P2RX1: variants seen among roughly 807,000 people sequenced by gnomAD.
P2RX1 encodes the protein P2X purinoceptor 1.
P2RX1 carries 42 observed loss-of-function variants against 50.3 expected under a neutral mutation model. The ratio of observed to expected loss-of-function variants is 0.83; its 90% confidence interval spans 0.65 to 1.08. The LOEUF is 1.08. Among genes scored for constraint, P2RX1 ranks in the 50% least tolerant of loss-of-function variants. P2RX1 has a pLI of 0.00. For synonymous variants in P2RX1, 199 were observed against 202.6 expected (o/e 0.98, Z 0.15); for missense variants, 449 against 529.0 (o/e 0.85, Z 1.48).
At chr17:3,907,290 C>CGTACGTGTGTGTGT (rs1555548653) in intron 1 of P2RX1, among the ~76,000 whole-genome samples, 8 of 134,432 alleles carry the variant, frequency 6.0e-5, no homozygotes, top group African/African-American at 2.3e-4. Flanking sequence ...TTCAGGGTAA[C>CGTACGTGTGTGTGT]GTGTGTGTGT....
chr17:3,899,380 C>T (rs1429660435), intron 8 of P2RX1, among the ~76,000 whole-genome samples: 1 of 149,570 alleles, frequency 6.7e-6, no homozygotes, highest in Non-Finnish European at 1.5e-5. Flanking sequence ...TGCCCCAGCT[C>T]CCAATGTCAG....
At chr17:3,909,647 GA>G (rs978353854) in intron 1 of P2RX1, among the ~76,000 whole-genome samples, 1 of 152,066 alleles carries the variant, frequency 6.6e-6, no homozygotes, top group African/African-American at 2.4e-5. Context: ...AGGAGTTAGA[GA>G]CCAGCCTGGG....
intron 8 of P2RX1, 74 bp from the exon 9 acceptor site, chr17:3,899,098 G>C: frequency 9.9e-7 from 1 of 1,013,684 alleles, no homozygotes; most frequent in South Asian, 1.3e-5. Flanking sequence ...AGCGCATCAG[G>C]GATACAGGAG....
intron 1 of P2RX1, among the ~76,000 whole-genome samples, chr17:3,912,655 A>G (rs968612646): frequency 6.6e-6 from 1 of 152,114 alleles, no homozygotes; most frequent in African/African-American, 2.4e-5. Flanking sequence ...AATCTGTTTG[A>G]TTAGACTTTT....
chr17:3,901,308 C>A (rs2056140026), intron 7 of P2RX1, among the ~76,000 whole-genome samples: 2 of 152,216 alleles, frequency 1.3e-5, no homozygotes, highest in African/African-American at 4.8e-5. Flanking sequence ...ACCTCGTGAT[C>A]CGCCCGCCTT....
Position 3,905,200 on chromosome 17 carries a change from G to A in P2RX1, c.285+20C>T, listed in dbSNP as rs2056239152. ...GAGACAGGCCCTGTGAGGGGAAGGT[G>A]CAAACCTGAGCCAGCTCACCTGGGC... On this transcript the variant is annotated intron_variant, in intron 2 of 11. Coordinates refer to ENST00000225538, the MANE Select transcript of P2RX1 (RefSeq NM_002558.4). The A allele has an allele frequency of 1.9e-6, 3 of 1,611,052 alleles. No homozygotes were observed. Among genetic ancestry groups the A allele is most frequent in the East Asian group, 2.2e-5 (1 of 44,858 alleles).
chr17:3,899,559 A>C (rs60036854), intron 8 of P2RX1, 75 bp downstream of exon 8: 80 of 1,590,786 alleles, frequency 5.0e-5, no homozygotes, highest in Non-Finnish European at 6.6e-5. Flanking sequence ...ACTTTCTCAG[A>C]CCTGAAGTGT....
At chr17:3,909,795 G>A (rs1440876155) in intron 1 of P2RX1, among the ~76,000 whole-genome samples, 2 of 152,004 alleles carry the variant, frequency 1.3e-5, no homozygotes, top group African/African-American at 2.4e-5. Flanking sequence ...GCACCCAAGG[G>A]TCTTACACAG....
At chr17:3,904,764 C>G in intron 3 of P2RX1, 94 bp downstream of exon 3, 1 of 970,176 alleles carries the variant, frequency 1.0e-6, no homozygotes, top group East Asian at 2.6e-5. Context: ...CAGGAAGCCT[C>G]TCTGGCTTCC....
At chr17:3,908,202 G>T (rs150530393) in intron 1 of P2RX1, among the ~76,000 whole-genome samples, 1 of 152,154 alleles carries the variant, frequency 6.6e-6, no homozygotes. Context: ...TGGAGCTGCC[G>T]GTCTTGAGGT....
chr17:3,905,109 G>T, intron 2 of P2RX1, 111 bp downstream of exon 2: 1 of 1,439,674 alleles, frequency 6.9e-7, no homozygotes, highest in Non-Finnish European at 9.6e-7. Context: ...CATTCACAGA[G>T]GTCCAGAGAG....
intron 7 of P2RX1, among the ~76,000 whole-genome samples, chr17:3,902,501 G>A (rs2056168085): frequency 6.6e-6 from 1 of 151,876 alleles, no homozygotes; most frequent in Non-Finnish European, 1.5e-5. Context: ...TCACCATACT[G>A]GTCAGGCTGG....
chr17:3,900,328 C>A (rs921918251), intron 7 of P2RX1, among the ~76,000 whole-genome samples: 1 of 151,784 alleles, frequency 6.6e-6, no homozygotes, highest in Non-Finnish European at 1.5e-5. Flanking sequence ...GTGGCGGGTG[C>A]CTGTAATCCC....
chr17:3,916,017 A>G (rs2052401215), intron 1 of P2RX1, 72 bp downstream of exon 1: 1 of 1,563,174 alleles, frequency 6.4e-7, no homozygotes, highest in Admixed American at 1.7e-5. Flanking sequence ...GTGTCACGCA[A>G]GGGATGTCAG....
At chr17:3,905,988 A>G (rs9899953) in intron 1 of P2RX1, among the ~76,000 whole-genome samples, 80,383 of 152,112 alleles carry the variant, frequency 0.53, 22,881 homozygotes, top group African/African-American at 0.74. Flanking sequence ...AGAGGTCCCA[A>G]CAGAGCACGA....
intron 7 of P2RX1, among the ~76,000 whole-genome samples, chr17:3,902,230 A>G (rs1006994468): frequency 2.2e-4 from 33 of 151,910 alleles, no homozygotes; most frequent in African/African-American, 8.0e-4. Flanking sequence ...GGTTCAAGCA[A>G]TTCTCTTGCA....
At chr17:3,910,953 C>G (rs2056352410) in intron 1 of P2RX1, among the ~76,000 whole-genome samples, 1 of 152,282 alleles carries the variant, frequency 6.6e-6, no homozygotes, top group South Asian at 2.1e-4. Flanking sequence ...TCAGGCCAAC[C>G]ATTTGTGTTT....
At chr17:3,915,389 T>C (rs768157521) in intron 1 of P2RX1, 3 of 449,380 alleles carry the variant, frequency 6.7e-6, no homozygotes, top group Middle Eastern at 3.3e-4. Flanking sequence ...CACTCACAAG[T>C]GTGCCAGCCT....
At chr17:3,898,670 C>T in intron 9 of P2RX1, 121 bp from the exon 10 acceptor site, 1 of 794,026 alleles carries the variant, frequency 1.3e-6, no homozygotes, top group Non-Finnish European at 2.2e-6. Flanking sequence ...ACCTCGGACT[C>T]TACATGGGCC....
Sources: gnomAD v4.1 joint callset for allele counts (sites outside exome capture counted in the v4.1 genomes callset) on GRCh38, gnomAD v4.1.1 for gene constraint, MANE v1.5 for transcripts, NCBI Gene and HGNC (gene_info 2026-07-23, HGNC 2026-07-21) for gene names.